Variants in PCDHGA3 observed in about 807,000 individuals in gnomAD.
The protein encoded by PCDHGA3 is protocadherin gamma-A3.
A neutral mutation model predicts 58.5 loss-of-function variants in PCDHGA3; 40 were observed. That is an observed-to-expected ratio of 0.68 (90% CI 0.53 to 0.89). PCDHGA3 has a LOEUF of 0.89. Ranked by LOEUF, PCDHGA3 falls within the 40% of genes least tolerant of loss-of-function variation. PCDHGA3 has a pLI of 0.00. For synonymous variants in PCDHGA3, 530 were observed against 525.7 expected (o/e 1.01, Z -0.11); for missense variants, 1,223 against 1,195.9 (o/e 1.02, Z -0.33).
rs138070043 is a variant in PCDHGA3, at chr5:141,512,950, AAAT to A, written c.*1783_*1785del. 5,271 of 152,332 alleles carry A rather than the reference AAAT, an allele frequency of 0.035. 119 individuals carry two copies. The highest frequency in any genetic ancestry group is 0.075 in the South Asian group (360 of 4,826). The allele number at this position is 152,332 out of a possible 1,614,324, so 9.4% of individuals were successfully genotyped here. On this transcript the variant is annotated 3_prime_UTR_variant, in exon 4 of 4. Coordinates refer to ENST00000253812, the MANE Select transcript of PCDHGA3 (RefSeq NM_018916.4). ...ATATGGCTTTTTTTCTTCGACAAAA[AAAT>A]AATAAAACGTTTCTTCTGAAAAGCT...
chr5:141,501,331 A>ACC (rs906542724), intron 2 of PCDHGA3, among the ~76,000 whole-genome samples: 1 of 138,846 alleles, frequency 7.2e-6, no homozygotes, highest in Non-Finnish European at 1.6e-5. Flanking sequence ...ACACACACAC[A>ACC]CACCCCAAAC....
At position 141,413,133 on chromosome 5, in the gene PCDHGA3, C is replaced by T. The variant is rs765215473; in HGVS notation, c.2424+66676C>T. The stretch of plus-strand genomic sequence containing the variant: ...CAAAGGAACCGGTTGAAACACACAA[C>T]GTGTCCAGTGAGGACTTTGCAGAAT... On this transcript the variant is annotated intron_variant, in intron 1 of 3. Transcript: ENST00000253812. 1.1e-5 allele frequency: 17 copies of T among 1,542,110 alleles called. No individual in the cohort carries two copies. In the East Asian group the frequency reaches 3.2e-4, roughly 29 times the overall value.
At position 141,491,752 on chromosome 5, in the gene PCDHGA3, G is replaced by C. The variant is rs1464731659; in HGVS notation, c.2425-3055G>C. 6 of 1,586,646 alleles carry C rather than the reference G, an allele frequency of 3.8e-6. No homozygotes were observed. The African/African-American group carries it at 8.1e-5, about 21-fold the overall frequency. On this transcript the variant is annotated intron_variant, in intron 1 of 3. Transcript: ENST00000253812. The surrounding 1 kb of genome is among the most constrained non-coding windows in gnomAD (Gnocchi z 6.9). ...GACCCCTGGGGGCGGCACTGGAGAA[G>C]CCGCCCGTCCTCATAAGGGATTGAA...
chr5:141,504,786 C>T (rs568185327), intron 2 of PCDHGA3, among the ~76,000 whole-genome samples: 1 of 152,132 alleles, frequency 6.6e-6, no homozygotes, highest in Non-Finnish European at 1.5e-5. Flanking sequence ...TCTCTTGGGG[C>T]CTCCTACATC....
intron 1 of PCDHGA3, chr5:141,405,249 G>C: frequency 1.2e-6 from 2 of 1,614,128 alleles, no homozygotes; most frequent in Non-Finnish European, 1.7e-6. Flanking sequence ...TCAAGGAAGA[G>C]TCACCTGATC....
rs1297105453 is a variant in PCDHGA3, at chr5:141,357,419, T to C, written c.2424+10962T>C. On this transcript the variant is annotated intron_variant, in intron 1 of 3. Transcript: ENST00000253812. ...TTGGCAGGTGTGCCTGCCTCGCACT[T>C]TGTGGGCGTGGACGGGGTTCGGGCT... 4 of 1,614,064 alleles carry C rather than the reference T, an allele frequency of 2.5e-6. No homozygotes were observed. In the Admixed American group the frequency reaches 5.0e-5, roughly 20 times the overall value.
At position 141,384,825 on chromosome 5, in the gene PCDHGA3, C is replaced by T. The variant is rs570988671; in HGVS notation, c.2424+38368C>T. On this transcript the variant is annotated intron_variant, in intron 1 of 3. Transcript: ENST00000253812. ...ACAGAGATGCCCTCAAGCAGAGCCT[C>T]GTGGTGGCCGTCCAGGACCACGGTC... The T allele has an allele frequency of 5.0e-6, 8 of 1,613,474 alleles. No homozygotes were observed. The African/African-American group carries it at 9.3e-5, about 19-fold the overall frequency.
chr5:141,427,199 A>G (rs900332017), intron 1 of PCDHGA3: 5 of 456,766 alleles, frequency 1.1e-5, no homozygotes, highest in Non-Finnish European at 2.2e-5. Context: ...AAGACTTAAT[A>G]GACTTCGAAT....
chr5:141,408,277 C>T (rs367948897), intron 1 of PCDHGA3: 2 of 1,611,980 alleles, frequency 1.2e-6, no homozygotes, highest in African/African-American at 1.3e-5. Context: ...TGCCTTTGTT[C>T]TACCCCACCC....
At chr5:141,393,792 C>A (rs757880855) in intron 1 of PCDHGA3, 1 of 1,613,908 alleles carries the variant, frequency 6.2e-7, no homozygotes, top group Non-Finnish European at 8.5e-7. Flanking sequence ...TGTGGGGGCA[C>A]TTCTGGGGAG....
intron 1 of PCDHGA3, 186 bp downstream of exon 1, chr5:141,346,643 G>A (rs932288784): frequency 2.4e-6 from 2 of 850,414 alleles, no homozygotes; most frequent in Admixed American, 5.9e-5. Flanking sequence ...TTATGGTTGA[G>A]TGGGCTTAGG....
rs148119281 is a variant in PCDHGA3, at chr5:141,511,006, C to T, written c.2632C>T (p.Arg878Cys). The T allele has an allele frequency of 3.5e-5, 56 of 1,614,078 alleles. No individual in the cohort carries two copies. Among genetic ancestry groups the T allele is most frequent in the African/African-American group, 5.3e-5 (4 of 74,922 alleles). The change falls in exon 4 of 4, where the codon CGC (arginine) becomes TGC (cysteine). Residue 878 changes from arginine to cysteine, a missense_variant. By Grantham distance (180) the Arg-to-Cys change is radical. This residue lies in a region of PCDHGA3 where 325 missense variants were observed against 327.5 expected (regional missense o/e 0.99). Transcript: ENST00000253812. Reference protein sequence around the residue: ...GGAGTMGLSARYGPQFTLQHV... With the variant: ...GGAGTMGLSACYGPQFTLQHV... ...TGCCGGCACCATGGGATTGAGCGCC[C>T]GCTACGGACCCCAGTTCACCCTGCA...
chr5:141,452,848 G>A (rs1425590240), intron 1 of PCDHGA3, among the ~76,000 whole-genome samples: 9 of 152,128 alleles, frequency 5.9e-5, no homozygotes, highest in Non-Finnish European at 1.0e-4. Flanking sequence ...CCCACACTCT[G>A]GGGAGATGAT....
intron 1 of PCDHGA3, chr5:141,395,523 C>A: frequency 7.5e-6 from 3 of 400,150 alleles, no homozygotes; most frequent in Non-Finnish European, 1.3e-5. Flanking sequence ...CCCGTCCATA[C>A]TGGTAATTTT....
chr5:141,409,055 G>T (rs141881204), intron 1 of PCDHGA3: 10 of 1,614,038 alleles, frequency 6.2e-6, no homozygotes, highest in Non-Finnish European at 8.5e-6. Flanking sequence ...CCGAAGCACT[G>T]CCCAGAGCAC....
intron 3 of PCDHGA3, 133 bp downstream of exon 3, chr5:141,505,614 AC>A: frequency 6.6e-7 from 1 of 1,510,758 alleles, no homozygotes; most frequent in Non-Finnish European, 8.9e-7. Flanking sequence ...GTCTGAAAGG[AC>A]CCACAATTCC....
chr5:141,430,090 G>T (rs2097260736), intron 1 of PCDHGA3, among the ~76,000 whole-genome samples: 1 of 152,096 alleles, frequency 6.6e-6, no homozygotes, highest in Non-Finnish European at 1.5e-5. Context: ...ATGAAAATTT[G>T]ATTTTTAAGC....
chr5:141,486,278 G>A lies in PCDHGA3; in HGVS notation c.2425-8529G>A. The A allele has an allele frequency of 1.2e-6, 2 of 1,614,088 alleles. No individual in the cohort carries two copies. Among genetic ancestry groups the A allele is most frequent in the South Asian group, 2.2e-5 (2 of 91,068 alleles). On this transcript the variant is annotated intron_variant, in intron 1 of 3. Transcript: ENST00000253812. This position sits in a 1 kb window ranked among gnomAD's most constrained non-coding sequence, Gnocchi z 5.0. The stretch of plus-strand genomic sequence containing the variant: ...CGAGAGTGCAGAACCTGGCACTGTG[G>A]TGGCACTTATCAGTGTGCAGGATCC...
intron 1 of PCDHGA3, chr5:141,356,054 G>A: frequency 1.9e-6 from 3 of 1,613,936 alleles, no homozygotes; most frequent in South Asian, 1.1e-5. Context: ...CGGAAAGTAA[G>A]AGACAAAATA....
Sources: allele counts gnomAD v4.1 joint callset (sites outside exome capture counted in the v4.1 genomes callset), GRCh38; gene constraint gnomAD v4.1.1; regional missense constraint gnomAD v4.1.1; non-coding constraint Gnocchi (gnomAD v3.1); transcripts MANE v1.5; gene names NCBI Gene and HGNC (gene_info 2026-07-23, HGNC 2026-07-21).